CELF5: variants seen among roughly 807,000 people sequenced by gnomAD.
CELF5 encodes CUG-BP and ETR-3 like factor 5.
In CELF5, 6 loss-of-function variants were observed where a neutral mutation model predicts 54.9. The ratio of observed to expected loss-of-function variants is 0.11; its 90% CI spans 0.06 to 0.22. The LOEUF (loss-of-function observed/expected upper bound fraction) is 0.22. CELF5 is among the 10% of genes least tolerant of loss of function. CELF5 has a pLI of 1.00. For missense variants in CELF5, 401 were observed against 678.6 expected, an observed-to-expected ratio of 0.59 and a Z score of 4.54; for synonymous variants, 271 against 290.9, an observed-to-expected ratio of 0.93 and a Z score of 0.70.
At chr19:3,270,026 G>T (rs1599448825) in intron 2 of CELF5, among the ~76,000 whole-genome samples, 2 of 152,116 alleles carry the variant, frequency 1.3e-5, no homozygotes, top group African/African-American at 4.8e-5. Flanking sequence ...GTTTCCAATC[G>T]TTCCAAACTC....
intron 1 of CELF5, among the ~76,000 whole-genome samples, chr19:3,233,204 T>C (rs981084437): frequency 2.0e-5 from 3 of 152,214 alleles, no homozygotes; most frequent in Non-Finnish European, 4.4e-5. Context: ...CGAGGATGGC[T>C]TGAGCCTGGG....
chr19:3,276,041 G>A (rs1472239262), intron 4 of CELF5, 57 bp downstream of exon 4: 3 of 1,310,814 alleles, frequency 2.3e-6, no homozygotes, highest in East Asian at 2.6e-5. Context: ...CTCTGGGGGC[G>A]GGGCCTGTGG....
At chr19:3,294,881 G>C (rs2080410541) in intron 12 of CELF5, 1 of 152,244 alleles carries the variant, frequency 6.6e-6, no homozygotes, top group Admixed American at 6.5e-5. Context: ...AGCTGGGTTT[G>C]TTGGCCTCTG....
rs561385770 is a variant in CELF5, at chr19:3,272,098, G to T, written c.343-1774G>T. Among the ~76,000 whole-genome samples the T allele has an allele frequency of 1.4e-3, 212 of 152,246 alleles. 1 individual carries two copies. The highest frequency in any genetic ancestry group is 4.7e-3 in the African/African-American group (197 of 41,556). On this transcript the variant is annotated intron_variant, in intron 2 of 12. Coordinates refer to ENST00000292672, the MANE Select transcript of CELF5 (RefSeq NM_021938.4). The stretch of plus-strand genomic sequence containing the variant: ...AAACCTGGCATTTGGCCGGGTGCAG[G>T]GGCTCACGCCTGTAATCCCAGCAAT...
intron 2 of CELF5, among the ~76,000 whole-genome samples, chr19:3,272,848 C>T (rs1261561458): frequency 2.6e-5 from 4 of 152,180 alleles, no homozygotes; most frequent in Admixed American, 2.6e-4. Context: ...TGTCCCAGGA[C>T]CAGTGGAGAT....
chr19:3,234,161 G>A (rs1245966902), intron 1 of CELF5, among the ~76,000 whole-genome samples: 1 of 152,110 alleles, frequency 6.6e-6, no homozygotes, highest in Admixed American at 6.6e-5. Flanking sequence ...TAGGGAAATG[G>A]AGGCCCAGGT....
At chr19:3,242,812 A>T (rs2079509516) in intron 1 of CELF5, among the ~76,000 whole-genome samples, 1 of 152,078 alleles carries the variant, frequency 6.6e-6, no homozygotes, top group African/African-American at 2.4e-5. Context: ...TCTAAAAAAA[A>T]AATTAGCTGG....
At chr19:3,261,614 G>A (rs944810394) in intron 2 of CELF5, among the ~76,000 whole-genome samples, 2 of 151,940 alleles carry the variant, frequency 1.3e-5, no homozygotes, top group African/African-American at 4.8e-5. Flanking sequence ...GAGCCCAGGA[G>A]TTTGAGACCC....
intron 1 of CELF5, among the ~76,000 whole-genome samples, chr19:3,240,634 C>A (rs1030979674): frequency 4.6e-5 from 7 of 151,726 alleles, no homozygotes; most frequent in Non-Finnish European, 7.4e-5. Context: ...GGCCCTACCA[C>A]ACACTTCTGA....
intron 2 of CELF5, among the ~76,000 whole-genome samples, chr19:3,272,211 CAAA>C (rs199500623): frequency 1.3e-5 from 2 of 151,414 alleles, no homozygotes; most frequent in Non-Finnish European, 2.9e-5. Flanking sequence ...ACTAAAAATA[CAAA>C]AAAAATTAGC....
intron 8 of CELF5, 150 bp from the exon 9 acceptor site, chr19:3,284,752 C>G (rs2080206026): frequency 1.5e-6 from 1 of 679,520 alleles, no homozygotes; most frequent in Non-Finnish European, 2.6e-6. Context: ...TCACCTTCCT[C>G]GGCCTCAGCT....
chr19:3,231,999 G>A (rs975445913), intron 1 of CELF5, among the ~76,000 whole-genome samples: 2 of 151,796 alleles, frequency 1.3e-5, no homozygotes, highest in African/African-American at 4.8e-5. Flanking sequence ...TGAATGGATG[G>A]ATGGATGATG....
chr19:3,228,629 G>A lies in CELF5; in HGVS notation c.259+3631G>A, dbSNP rs191940342. On this transcript the variant is annotated intron_variant, in intron 1 of 12. Coordinates refer to ENST00000292672, the MANE Select transcript of CELF5 (RefSeq NM_021938.4). The surrounding 1 kb of genome is among the most constrained non-coding windows in gnomAD (Gnocchi z 6.0). Reference sequence around the variant, plus strand: ...GACGGTGCAGGTGGGGGGGGGGCCCGGCGGGGGCCCGGGTGGGGGCCCGCG... The same window carrying A: ...GACGGTGCAGGTGGGGGGGGGGCCCAGCGGGGGCCCGGGTGGGGGCCCGCG... Among the ~76,000 whole-genome samples, 76 of 149,160 alleles carry A rather than the reference G, an allele frequency of 5.1e-4. No individual in the cohort carries two copies. The East Asian group carries it at 0.015, about 28-fold the overall frequency.
At chr19:3,291,302 A>T (rs540394472) in intron 11 of CELF5, among the ~76,000 whole-genome samples, 2 of 151,562 alleles carry the variant, frequency 1.3e-5, no homozygotes, top group Non-Finnish European at 2.9e-5. Context: ...GCAGTGGCTC[A>T]CACCTGTAGT....
chr19:3,289,227 C>T (rs914243514), intron 10 of CELF5, among the ~76,000 whole-genome samples: 4 of 152,006 alleles, frequency 2.6e-5, no homozygotes, highest in Non-Finnish European at 5.9e-5. Context: ...GGGAGTTATC[C>T]CTAGCTGGGG....
chr19:3,248,871 T>TTCCTTCCTTCCC (rs2079604898), intron 1 of CELF5, among the ~76,000 whole-genome samples: 1 of 110,072 alleles, frequency 9.1e-6, no homozygotes. Context: ...CCTTCCTTCC[T>TTCCTTCCTTCCC]TCCTTCCTTC....
intron 2 of CELF5, among the ~76,000 whole-genome samples, chr19:3,265,965 C>T (rs751920465): frequency 7.2e-5 from 11 of 152,030 alleles, no homozygotes; most frequent in Non-Finnish European, 1.3e-4. Context: ...CACCACCACG[C>T]CCAGCCAATT....
chr19:3,244,781 G>A (rs2079540857), intron 1 of CELF5, among the ~76,000 whole-genome samples: 1 of 145,204 alleles, frequency 6.9e-6, no homozygotes, highest in South Asian at 2.2e-4. Flanking sequence ...CTATGCGTGT[G>A]TGTATGGTAT....
intron 1 of CELF5, among the ~76,000 whole-genome samples, chr19:3,237,403 G>A (rs889967571): frequency 2.6e-5 from 4 of 151,510 alleles, no homozygotes; most frequent in Non-Finnish European, 5.9e-5. Context: ...AGTTTTTATG[G>A]TTACTCCTTG....
Sources: allele counts gnomAD v4.1 joint callset (sites outside exome capture counted in the v4.1 genomes callset), GRCh38; gene constraint gnomAD v4.1.1; non-coding constraint Gnocchi (gnomAD v3.1); transcripts MANE v1.5; gene names NCBI Gene and HGNC (gene_info 2026-07-23, HGNC 2026-07-21).